The following MED13L variants were observed in gnomAD, a reference collection of about 807,000 sequenced individuals.
MED13L encodes the protein mediator of RNA polymerase II transcription subunit 13-like.
Under a neutral mutation model 220.9 loss-of-function variants are expected in MED13L, and 7 were observed. That is an observed-to-expected ratio of 0.03 (90% CI 0.02 to 0.06). The LOEUF is 0.06. Ranked by LOEUF, MED13L falls within the 10% of genes least tolerant of loss-of-function variation. The probability of loss-of-function intolerance (pLI) is 1.00; values close to 1 mark genes in which losing one functional copy is unlikely to be tolerated. For missense variants in MED13L, 1,965 were observed against 2,760.5 expected (o/e 0.71, Z 6.46); for synonymous variants, 1,011 against 1,015.2 (o/e 1.00, Z 0.08).
At chr12:116,032,783 G>A (rs2137505442) in intron 4 of MED13L, among the ~76,000 whole-genome samples, 1 of 152,236 alleles carries the variant, frequency 6.6e-6, no homozygotes, top group South Asian at 2.1e-4. Flanking sequence ...CAGAGGTTCT[G>A]TGCACCTAAA....
In MED13L at chr12:115,986,387, C is replaced by T. The variant is rs1231977383; in HGVS notation, c.4217G>A (p.Arg1406Lys). The change falls in exon 19 of 31, where the codon AGG (arginine) becomes AAG (lysine). Residue 1406 changes from arginine to lysine, a missense_variant. This residue lies in a region of MED13L where 510 missense variants were observed against 620.4 expected (regional missense o/e 0.82). Transcript: ENST00000281928. Reference protein sequence around the residue: ...ISPFSLPFWERLLLDPYGGHR... With the variant: ...ISPFSLPFWEKLLLDPYGGHR... ...GCCCCCATATGGGTCCAACAAGAGC[C>T]TCTCCCAAAACGGCAAGGAGAATGG... 6.2e-7 allele frequency: 1 copy of T among 1,614,160 alleles called. No individual in the cohort carries two copies. Among genetic ancestry groups the T allele is most frequent in the Admixed American group, 1.7e-5 (1 of 60,024 alleles).
At chr12:115,996,919 T>C in intron 15 of MED13L, 91 bp downstream of exon 15, 1 of 1,336,798 alleles carries the variant, frequency 7.5e-7, no homozygotes, top group Non-Finnish European at 1.1e-6. Flanking sequence ...TATGTATATA[T>C]GGCACACAGA....
intron 2 of MED13L, among the ~76,000 whole-genome samples, chr12:116,224,086 A>C (rs956136306): frequency 1.3e-5 from 2 of 152,188 alleles, no homozygotes; most frequent in Admixed American, 6.5e-5. Flanking sequence ...TGATGGGCAA[A>C]AGTCAGATGC....
At chr12:116,268,315 A>G (rs11067962) in intron 1 of MED13L, among the ~76,000 whole-genome samples, 1 of 152,136 alleles carries the variant, frequency 6.6e-6, no homozygotes, top group Non-Finnish European at 1.5e-5. Context: ...AGTTAGATAT[A>G]TGTATGTTTT....
At chr12:116,274,711 A>C (rs568215737) in intron 1 of MED13L, among the ~76,000 whole-genome samples, 1 of 152,192 alleles carries the variant, frequency 6.6e-6, no homozygotes, top group African/African-American at 2.4e-5. Flanking sequence ...CACTCCACGT[A>C]CAAGAGAATG....
intron 2 of MED13L, among the ~76,000 whole-genome samples, chr12:116,206,707 CTGAG>C (rs926640796): frequency 6.6e-6 from 1 of 151,838 alleles, no homozygotes; most frequent in African/African-American, 2.4e-5. Flanking sequence ...TGATATACAA[CTGAG>C]TATCTGTTTC....
At chr12:116,174,362 GA>G in intron 2 of MED13L, 1 of 152,214 alleles carries the variant, frequency 6.6e-6, no homozygotes, top group Non-Finnish European at 1.5e-5. Context: ...ACAAACACCT[GA>G]AAGAGTAATA....
intron 2 of MED13L, among the ~76,000 whole-genome samples, chr12:116,201,686 C>T (rs891141029): frequency 6.6e-6 from 1 of 152,048 alleles, no homozygotes; most frequent in Non-Finnish European, 1.5e-5. Context: ...TTTAGGAGCA[C>T]GTGTATGGGT....
intron 1 of MED13L, chr12:116,276,492 CG>C (rs1269341961): frequency 1.6e-6 from 2 of 1,287,506 alleles, no homozygotes; most frequent in Non-Finnish European, 1.0e-6. Context: ...GAGAGGCAGG[CG>C]GCTGTCGATG....
At chr12:116,094,925 T>C (rs1872529643) in intron 4 of MED13L, among the ~76,000 whole-genome samples, 1 of 152,116 alleles carries the variant, frequency 6.6e-6, no homozygotes, top group Non-Finnish European at 1.5e-5. Context: ...TCCCAGAACT[T>C]TGGGAGGCCA....
intron 1 of MED13L, among the ~76,000 whole-genome samples, chr12:116,242,048 C>CT (rs767214989): frequency 0.042 from 4,496 of 106,634 alleles, 145 homozygotes; most frequent in South Asian, 0.049. Flanking sequence ...GTTCTTTTGT[C>CT]TTTTTTTTTT....
rs1592887178 is a variant in MED13L at position 115,959,944 on chromosome 12, G to A, written c.*1322C>T. 2 of 152,408 alleles carry A rather than the reference G, an allele frequency of 1.3e-5. No homozygotes were observed. The highest frequency in any genetic ancestry group is 2.4e-5 in the African/African-American group (1 of 41,358). The allele number at this position is 152,408 out of a possible 1,614,324, so 9.4% of individuals were successfully genotyped here. On this transcript the variant is annotated 3_prime_UTR_variant, in exon 31 of 31. Coordinates refer to ENST00000281928, the MANE Select transcript of MED13L (RefSeq NM_015335.5). ...CAAAGGCCTGGTCACAGTGGCTCCC[G>A]GGAGGCCAGTACACACCCACTGTCC...
chr12:116,093,544 A>G (rs556269910), intron 4 of MED13L, among the ~76,000 whole-genome samples: 1 of 152,194 alleles, frequency 6.6e-6, no homozygotes, highest in South Asian at 2.1e-4. Flanking sequence ...AGCACAAAAA[A>G]TCATATGCTA....
intron 3 of MED13L, among the ~76,000 whole-genome samples, chr12:116,103,999 C>CT (rs36066243): frequency 0.014 from 811 of 57,454 alleles, 145 homozygotes; most frequent in African/African-American, 0.021. Flanking sequence ...GGACATTGCT[C>CT]TTTTTTTTTT....
At chr12:116,173,098 A>C (rs1331897633) in intron 2 of MED13L, among the ~76,000 whole-genome samples, 1 of 151,434 alleles carries the variant, frequency 6.6e-6, no homozygotes, top group African/African-American at 2.4e-5. Context: ...ACACTAGAAC[A>C]ACTCAGGAAA....
intron 7 of MED13L, among the ~76,000 whole-genome samples, chr12:116,017,484 C>A (rs562245764): frequency 6.6e-6 from 1 of 152,274 alleles, no homozygotes; most frequent in South Asian, 2.1e-4. Context: ...TTTTTATATT[C>A]ATATATCTTC....
chr12:116,009,529 T>C (rs1311455088), intron 9 of MED13L, among the ~76,000 whole-genome samples: 1 of 152,206 alleles, frequency 6.6e-6, no homozygotes, highest in Non-Finnish European at 1.5e-5. Context: ...TATAACACTC[T>C]ACTAACTGTA....
intron 2 of MED13L, among the ~76,000 whole-genome samples, chr12:116,127,410 T>C (rs1245832497): frequency 6.6e-6 from 1 of 152,188 alleles, no homozygotes; most frequent in Non-Finnish European, 1.5e-5. Flanking sequence ...TAAATATCTG[T>C]AATGGAATAA....
chr12:116,053,130 C>A (rs1049142685), intron 4 of MED13L, among the ~76,000 whole-genome samples: 1 of 152,176 alleles, frequency 6.6e-6, no homozygotes, highest in Non-Finnish European at 1.5e-5. Context: ...AAGAAAACCA[C>A]AGCACTAATT....
Sources: gnomAD v4.1 joint callset for allele counts (sites outside exome capture counted in the v4.1 genomes callset) on GRCh38, gnomAD v4.1.1 for gene constraint, gnomAD v4.1.1 regional missense constraint, MANE v1.5 for transcripts, NCBI Gene and HGNC (gene_info 2026-07-23, HGNC 2026-07-21) for gene names.